ADGRV1: variants seen among roughly 807,000 people sequenced by gnomAD.
ADGRV1 encodes adhesion G protein-coupled receptor V1, also known as G-protein coupled receptor 98.
Under a neutral mutation model 596.2 loss-of-function variants are expected in ADGRV1, and 359 were observed. The observed-to-expected ratio is 0.60, with a 90% CI of 0.55 to 0.66. The LOEUF (loss-of-function observed/expected upper bound fraction) is 0.66, where lower values mean the gene tolerates loss of function less well. Among genes scored for constraint, ADGRV1 ranks in the 30% least tolerant of loss-of-function variants. The pLI is 0.00. For synonymous variants in ADGRV1, 2,681 were observed against 2,679.2 expected (o/e 1.00, Z -0.02); for missense variants, 7,274 against 7,575.6 (o/e 0.96, Z 1.48).
chr5:90,900,172 C>A (rs1262322555), intron 83 of ADGRV1, among the ~76,000 whole-genome samples: 1 of 152,016 alleles, frequency 6.6e-6, no homozygotes, highest in African/African-American at 2.4e-5. Flanking sequence ...AATCTGTTAA[C>A]ATGCAATAAA....
chr5:90,623,618 G>A (rs985164157), intron 5 of ADGRV1, among the ~76,000 whole-genome samples: 18 of 152,014 alleles, frequency 1.2e-4, no homozygotes, highest in African/African-American at 4.1e-4. Flanking sequence ...GCATTATGTT[G>A]CCCAGGCTGG....
intron 85 of ADGRV1, among the ~76,000 whole-genome samples, chr5:91,040,392 C>T (rs148486040): frequency 3.3e-5 from 5 of 152,194 alleles, no homozygotes; most frequent in East Asian, 1.9e-4. Context: ...ACCAGTTAGA[C>T]GACTATATGC....
chr5:91,145,593 C>T (rs1795467756), intron 87 of ADGRV1, among the ~76,000 whole-genome samples: 1 of 148,566 alleles, frequency 6.7e-6, no homozygotes, highest in Admixed American at 6.7e-5. Context: ...GTCCTTTGCA[C>T]ATGAAACTAA....
chr5:90,627,252 T>A lies in ADGRV1; in HGVS notation c.714T>A (p.Ser238Arg), dbSNP rs1764886327. The change falls in exon 7 of 90, where the codon AGT (serine) becomes AGA (arginine). Residue 238 changes from serine (S) to arginine (R), a missense_variant. Ser to Arg is a moderately radical substitution (Grantham distance 110). Coordinates refer to ENST00000405460, the MANE Select transcript of ADGRV1 (RefSeq NM_032119.4). ...AAATATTTTTAATTCAACTGAAAAG[T>A]GTAGAAGGAGGAGCTGAGATTAACA... is the stretch of plus-strand genomic sequence containing the variant. ...NDEIFLIQLK[S>R]VEGGAEINTS... 6.3e-6 allele frequency: 10 copies of A among 1,581,666 alleles called. No homozygotes were observed. Among genetic ancestry groups the A allele is most frequent in the Non-Finnish European group, 8.6e-6 (10 of 1,163,364 alleles).
intron 20 of ADGRV1, among the ~76,000 whole-genome samples, chr5:90,656,797 T>G (rs983687683): frequency 6.6e-6 from 1 of 152,110 alleles, no homozygotes; most frequent in Non-Finnish European, 1.5e-5. Flanking sequence ...AGATCTTACA[T>G]AAATATCTTA....
intron 83 of ADGRV1, among the ~76,000 whole-genome samples, chr5:90,945,479 C>A (rs1776493640): frequency 6.6e-6 from 1 of 152,078 alleles, no homozygotes; most frequent in East Asian, 1.9e-4. Context: ...TGAGAGACTT[C>A]CATAGGAGGG....
In ADGRV1 at chr5:90,629,476, C is replaced by A. The variant is rs184127858; in HGVS notation, c.1776C>A (p.Val592=). 2,129 of 1,613,400 alleles carry A rather than the reference C, an allele frequency of 1.3e-3. 10 individuals carry two copies. The highest frequency in any genetic ancestry group is 1.9e-3 in the Admixed American group (114 of 59,970). ...DLIFPEQKTQ[V]TTKLPIRNDA... ...TTTTTCCAGAGCAAAAAACTCAAGT[C>A]ACTACAAAATTACCAATAAGAAATG... The change falls in exon 9 of 90, where the codon GTC becomes GTA. Residue 592 remains valine, a synonymous_variant. Transcript: ENST00000405460.
At chr5:91,076,503 A>T (rs987787341) in intron 86 of ADGRV1, among the ~76,000 whole-genome samples, 10 of 152,188 alleles carry the variant, frequency 6.6e-5, no homozygotes, top group African/African-American at 2.4e-4. Context: ...TATTAATTAA[A>T]TGAATAAATT....
intron 84 of ADGRV1, among the ~76,000 whole-genome samples, chr5:90,967,717 T>G (rs1231141298): frequency 6.6e-6 from 1 of 152,122 alleles, no homozygotes; most frequent in African/African-American, 2.4e-5. Context: ...AGATTACAAG[T>G]AGAGCCAATG....
chr5:90,596,391 G>A (rs1435884311), intron 1 of ADGRV1, among the ~76,000 whole-genome samples: 1 of 151,632 alleles, frequency 6.6e-6, no homozygotes, highest in Middle Eastern at 3.4e-3. Context: ...ACGGGGTGGC[G>A]GCCGGGCAGA....
At chr5:91,047,558 T>G (rs951879340) in intron 85 of ADGRV1, among the ~76,000 whole-genome samples, 2 of 152,204 alleles carry the variant, frequency 1.3e-5, no homozygotes, top group Non-Finnish European at 2.9e-5. Context: ...ATTCTGGCTA[T>G]GCTGGCAGCT....
rs191705593 is a variant in ADGRV1 at position 90,932,896 on chromosome 5, T to A, written c.17857-32519T>A. The stretch of plus-strand genomic sequence containing the variant: ...AAGACTGTATAAAAAGGACACTTGC[T>A]CAGTGGCATGTGAAAGTCACTCTCA... On this transcript the variant is annotated intron_variant, in intron 83 of 89. Coordinates refer to ENST00000405460, the MANE Select transcript of ADGRV1 (RefSeq NM_032119.4). 7.2e-5 allele frequency among the ~76,000 whole-genome samples: 11 copies of A among 152,278 alleles called. No individual in the cohort carries two copies. In the East Asian group the frequency reaches 2.1e-3, roughly 29 times the overall value.
At chr5:90,600,523 A>G (rs185357296) in intron 1 of ADGRV1, among the ~76,000 whole-genome samples, 1 of 152,294 alleles carries the variant, frequency 6.6e-6, no homozygotes, top group East Asian at 1.9e-4. Flanking sequence ...CATGGTGTAT[A>G]TGTGCCACAT....
intron 1 of ADGRV1, among the ~76,000 whole-genome samples, chr5:90,583,811 G>A (rs1758384420): frequency 6.7e-6 from 1 of 149,574 alleles, no homozygotes; most frequent in African/African-American, 2.5e-5. Flanking sequence ...CTGCCCATAA[G>A]AGACTGAGTT....
At chr5:90,674,013 A>G (rs1240521992) in intron 22 of ADGRV1, 41 bp from the exon 23 acceptor site, 1 of 1,435,078 alleles carries the variant, frequency 7.0e-7, no homozygotes, top group Non-Finnish European at 9.6e-7. Flanking sequence ...TAATTTCTAA[A>G]TGCCTCATTG....
rs1331288811 is a variant in ADGRV1, at chr5:90,810,470, T to C, written c.15210T>C (p.Thr5070=). 2 of 1,613,940 alleles carry C rather than the reference T, an allele frequency of 1.2e-6. No homozygotes were observed. The highest frequency in any genetic ancestry group is 2.2e-5 in the South Asian group (2 of 91,078). ...NGELFFQKFQ[T]EVDFEITIIN... is the part of the protein sequence containing the mutation. The stretch of plus-strand genomic sequence containing the variant: ...AACTGTTTTTTCAAAAATTCCAAAC[T>C]GAGGTTGATTTTGAAATAACCATTA... The change falls in exon 74 of 90, where the codon ACT becomes ACC. Residue 5070 remains threonine (T), a synonymous_variant. Coordinates refer to ENST00000405460, the MANE Select transcript of ADGRV1 (RefSeq NM_032119.4).
At chr5:91,129,338 A>C (rs1794021874) in intron 87 of ADGRV1, among the ~76,000 whole-genome samples, 1 of 152,240 alleles carries the variant, frequency 6.6e-6, no homozygotes, top group African/African-American at 2.4e-5. Context: ...GAAAAGGAAG[A>C]GTTCTCCCCT....
chr5:90,787,994 A>G (rs564549614), intron 67 of ADGRV1, 77 bp from the exon 68 acceptor site: 1 of 1,028,694 alleles, frequency 9.7e-7, no homozygotes, highest in Non-Finnish European at 1.4e-6. Context: ...TTTTCTTAAT[A>G]CTAGATACCC....
chr5:90,999,073 G>A (rs1025346576), intron 85 of ADGRV1, among the ~76,000 whole-genome samples: 4 of 151,894 alleles, frequency 2.6e-5, no homozygotes, highest in African/African-American at 9.7e-5. Flanking sequence ...GTTTTTCAAT[G>A]ATTTAGAGAG....
Sources: gnomAD v4.1 joint callset for allele counts (sites outside exome capture counted in the v4.1 genomes callset) on GRCh38, gnomAD v4.1.1 for gene constraint, MANE v1.5 for transcripts, NCBI Gene and HGNC (gene_info 2026-07-23, HGNC 2026-07-21) for gene names.